The following DOK6 variants were observed in gnomAD, a reference collection of about 807,000 sequenced individuals.
DOK6 encodes docking protein 6, also known as downstream of tyrosine kinase 6.
Under a neutral mutation model 44.0 loss-of-function variants are expected in DOK6, and 22 were observed. The observed-to-expected ratio is 0.50, with a 90% CI of 0.36 to 0.71. DOK6 has a LOEUF of 0.71. DOK6 is among the 30% of genes least tolerant of loss of function. DOK6 has a pLI of 0.00. For synonymous variants in DOK6, 166 were observed against 145.5 expected (o/e 1.14, Z -1.01); for missense variants, 340 against 416.4 (o/e 0.82, Z 1.60).
In DOK6 at chr18:69,479,067, G is replaced by T. The variant is rs1043838221; in HGVS notation, c.66+77757G>T. Among the ~76,000 whole-genome samples the T allele has an allele frequency of 2.0e-5, 3 of 150,036 alleles. No homozygotes were observed. The South Asian group carries it at 6.3e-4, about 32-fold the overall frequency. On this transcript the variant is annotated intron_variant, in intron 1 of 7. Transcript: ENST00000382713. The stretch of plus-strand genomic sequence containing the variant: ...TTCTTGAGTGCTCAGCACACTGAAG[G>T]ATGCTTGCATTGGGAGGTAAGGAAG...
chr18:69,782,103 GA>G, intron 7 of DOK6, among the ~76,000 whole-genome samples: 1 of 56,766 alleles, frequency 1.8e-5, no homozygotes, highest in South Asian at 5.0e-4. Context: ...ATTAGCTATA[GA>G]GACTACAGAA....
chr18:69,602,915 C>T lies in DOK6; in HGVS notation c.289+3417C>T, dbSNP rs543534975. 3.3e-5 allele frequency among the ~76,000 whole-genome samples: 5 copies of T among 152,266 alleles called. No individual in the cohort carries two copies. The East Asian group carries it at 9.7e-4, about 29-fold the overall frequency. On this transcript the variant is annotated intron_variant, in intron 3 of 7. Transcript: ENST00000382713. Reference sequence around the variant, plus strand: ...ACACCATCCTATTATAGAATGCTTTCAGAATGATGAAGTGATATTCATTAT... The same window carrying T: ...ACACCATCCTATTATAGAATGCTTTTAGAATGATGAAGTGATATTCATTAT...
At chr18:69,568,031 C>T (rs755728858) in intron 2 of DOK6, among the ~76,000 whole-genome samples, 2 of 152,152 alleles carry the variant, frequency 1.3e-5, no homozygotes, top group Admixed American at 6.5e-5. Flanking sequence ...TTTCTGGCTC[C>T]CCGCGGCCTG....
chr18:69,609,473 A>T (rs1039468963), intron 3 of DOK6, among the ~76,000 whole-genome samples: 16 of 144,838 alleles, frequency 1.1e-4, no homozygotes, highest in African/African-American at 4.1e-4. Flanking sequence ...ACCTGCCAGG[A>T]TGGCTATTAC....
At chr18:69,827,170 C>T (rs1186811054) in intron 7 of DOK6, among the ~76,000 whole-genome samples, 1 of 152,080 alleles carries the variant, frequency 6.6e-6, no homozygotes, top group Non-Finnish European at 1.5e-5. Flanking sequence ...TTCTTAAAAT[C>T]ATTCAAAGCT....
chr18:69,828,884 G>GTATATATA (rs74175393), intron 7 of DOK6, among the ~76,000 whole-genome samples: 14,378 of 90,166 alleles, frequency 0.16, 2,794 homozygotes, highest in East Asian at 0.3. Context: ...ACATTTATGT[G>GTATATATA]TATATATATA....
intron 7 of DOK6, among the ~76,000 whole-genome samples, chr18:69,809,143 C>T (rs1341027645): frequency 6.6e-6 from 1 of 151,788 alleles, no homozygotes; most frequent in Non-Finnish European, 1.5e-5. Context: ...ATAGGCAAAT[C>T]TTATACTCAC....
At position 69,715,578 on chromosome 18, in the gene DOK6, G is replaced by A. The variant is rs1164010936; in HGVS notation, c.599+16985G>A. ...TCAGTCGAGTGCATTGTTAACCACAGGCCTGATGAGGAGTGGGAAGCACAA... is the reference window on the plus strand; with the variant it reads ...TCAGTCGAGTGCATTGTTAACCACAAGCCTGATGAGGAGTGGGAAGCACAA... On this transcript the variant is annotated intron_variant, in intron 5 of 7. Transcript: ENST00000382713. Among the ~76,000 whole-genome samples, 3 of 152,164 alleles carry A rather than the reference G, an allele frequency of 2.0e-5. No homozygotes were observed. In the East Asian group the frequency reaches 5.8e-4, roughly 29 times the overall value.
intron 3 of DOK6, among the ~76,000 whole-genome samples, chr18:69,603,502 T>C (rs1983920144): frequency 6.6e-6 from 1 of 152,230 alleles, no homozygotes; most frequent in South Asian, 2.1e-4. Context: ...CCGGGCGCTG[T>C]GGCTCACACC....
At chr18:69,563,272 G>T (rs1269660372) in intron 1 of DOK6, among the ~76,000 whole-genome samples, 1 of 151,682 alleles carries the variant, frequency 6.6e-6, no homozygotes, top group Non-Finnish European at 1.5e-5. Context: ...AACTAGAACT[G>T]CCATTTGACC....
intron 4 of DOK6, 130 bp downstream of exon 4, chr18:69,677,983 G>C (rs763208246): frequency 7.3e-7 from 1 of 1,362,626 alleles, no homozygotes; most frequent in African/African-American, 1.5e-5. Flanking sequence ...GTGCAGTGGC[G>C]CAAACCTGTA....
At chr18:69,479,403 C>G (rs1275268018) in intron 1 of DOK6, among the ~76,000 whole-genome samples, 3 of 152,044 alleles carry the variant, frequency 2.0e-5, no homozygotes, top group Non-Finnish European at 2.9e-5. Context: ...ATTCCCATAC[C>G]TAGCCCTCAA....
At chr18:69,412,462 C>G (rs965899240) in intron 1 of DOK6, among the ~76,000 whole-genome samples, 2 of 152,018 alleles carry the variant, frequency 1.3e-5, no homozygotes, top group African/African-American at 4.8e-5. Flanking sequence ...AAGACCGACT[C>G]CCAGAGATTC....
chr18:69,409,676 G>T (rs1425112814), intron 1 of DOK6, among the ~76,000 whole-genome samples: 1 of 152,012 alleles, frequency 6.6e-6, no homozygotes, highest in Non-Finnish European at 1.5e-5. Context: ...AAAAATAGAT[G>T]CAATATTTGT....
At chr18:69,458,490 G>A (rs1026164157) in intron 1 of DOK6, among the ~76,000 whole-genome samples, 2 of 152,126 alleles carry the variant, frequency 1.3e-5, no homozygotes, top group Non-Finnish European at 2.9e-5. Context: ...ACAAAGTAAG[G>A]ATGCCCACTC....
chr18:69,784,596 C>T (rs956830084), intron 7 of DOK6, among the ~76,000 whole-genome samples: 9 of 151,698 alleles, frequency 5.9e-5, no homozygotes, highest in Non-Finnish European at 1.0e-4. Flanking sequence ...AATGGCTATC[C>T]GTCATCACTT....
intron 1 of DOK6, among the ~76,000 whole-genome samples, chr18:69,467,655 C>T (rs940462639): frequency 1.3e-5 from 2 of 152,132 alleles, no homozygotes; most frequent in South Asian, 2.1e-4. Context: ...TATCCAATCA[C>T]GATTTCTTAT....
At chr18:69,826,738 G>A (rs1599347320) in intron 7 of DOK6, among the ~76,000 whole-genome samples, 1 of 152,266 alleles carries the variant, frequency 6.6e-6, no homozygotes, top group Non-Finnish European at 1.5e-5. Context: ...TCTAGGCTCT[G>A]AAATTATTGC....
intron 3 of DOK6, among the ~76,000 whole-genome samples, chr18:69,648,658 C>T (rs1985145301): frequency 6.6e-6 from 1 of 152,144 alleles, no homozygotes. Flanking sequence ...ATAGGTAGAA[C>T]ATCATTGCCC....
Sources: allele counts gnomAD v4.1 joint callset (sites outside exome capture counted in the v4.1 genomes callset), GRCh38; gene constraint gnomAD v4.1.1; transcripts MANE v1.5; gene names NCBI Gene and HGNC (gene_info 2026-07-23, HGNC 2026-07-21).